TIAM1: variants seen among roughly 807,000 people sequenced by gnomAD.
TIAM1 encodes rho guanine nucleotide exchange factor TIAM1.
In TIAM1, 65 loss-of-function variants were observed where a neutral mutation model predicts 163.5. The observed-to-expected ratio is 0.40, with a 90% CI of 0.33 to 0.49. The LOEUF (loss-of-function observed/expected upper bound fraction) is 0.49, where lower values mean the gene tolerates loss of function less well. TIAM1 is among the 20% of genes least tolerant of loss of function. TIAM1 has a pLI of 0.77. For missense variants in TIAM1, 1,789 were observed against 2,044.7 expected (o/e 0.87, Z 2.41); for synonymous variants, 833 against 810.1 (o/e 1.03, Z -0.48).
intron 1 of TIAM1, among the ~76,000 whole-genome samples, chr21:31,481,035 A>T (rs909231128): frequency 6.6e-6 from 1 of 152,198 alleles, no homozygotes; most frequent in Admixed American, 6.5e-5. Flanking sequence ...GATTACAGGC[A>T]TGAACCACTG....
At chr21:31,491,317 G>T (rs2046462179) in intron 1 of TIAM1, among the ~76,000 whole-genome samples, 1 of 152,172 alleles carries the variant, frequency 6.6e-6, no homozygotes, top group Admixed American at 6.6e-5. Context: ...ATTGTTTAAG[G>T]TATGTTTGGT....
chr21:31,252,080 G>A lies in TIAM1; in HGVS notation c.1073C>T (p.Ser358Leu). The change falls in exon 5 of 28, where the codon TCA becomes TTA. Residue 358 changes from serine to leucine, a missense_variant. Coordinates refer to ENST00000541036, the MANE Select transcript of TIAM1 (RefSeq NM_001353694.2). ...CACAAAGGCCCGGCCTGTGGTGGGT[G>A]AGTAGCTGGAGTTGGTGGCATTAGA... Reference protein sequence around the residue: ...RRSNATNSSYSPTTGRAFVGS... With the variant: ...RRSNATNSSYLPTTGRAFVGS... 6.2e-7 allele frequency: 1 copy of A among 1,614,004 alleles called. No individual in the cohort carries two copies. The highest frequency in any genetic ancestry group is 8.5e-7 in the Non-Finnish European group (1 of 1,180,044).
At chr21:31,536,393 TGCTTGTGAACTGCAAGCAA>T (rs2048135493) in intron 1 of TIAM1, among the ~76,000 whole-genome samples, 1 of 152,208 alleles carries the variant, frequency 6.6e-6, no homozygotes, top group Non-Finnish European at 1.5e-5. Flanking sequence ...GCGCATGCTG[TGCTTGTGAACTGCAAGCAA>T]ATGGTGCAAT....
chr21:31,412,452 C>T (rs1602218721), intron 2 of TIAM1, among the ~76,000 whole-genome samples: 1 of 151,988 alleles, frequency 6.6e-6, no homozygotes, highest in East Asian at 1.9e-4. Flanking sequence ...CGGGATGAAA[C>T]TGCTCCACCT....
chr21:31,478,066 T>A (rs1363875758), intron 1 of TIAM1, among the ~76,000 whole-genome samples: 3 of 152,074 alleles, frequency 2.0e-5, no homozygotes. Flanking sequence ...TGGGAAAAAA[T>A]TATGAGGTGA....
intron 1 of TIAM1, among the ~76,000 whole-genome samples, chr21:31,472,161 A>G (rs1234978453): frequency 1.3e-5 from 2 of 152,294 alleles, no homozygotes; most frequent in African/African-American, 2.4e-5. Context: ...TTCCTCATCC[A>G]TAAATCAGGA....
Position 31,174,703 on chromosome 21 carries a change from A to C in TIAM1, c.2887+7718T>G, listed in dbSNP as rs893898871. On this transcript the variant is annotated intron_variant, in intron 15 of 27. Transcript: ENST00000541036. ...GCTCTTGTTGTCCAGGCTAGAGCGC[A>C]GTGGTGCGATCCCGGCTCACTGCAA... 6.6e-5 allele frequency among the ~76,000 whole-genome samples: 10 copies of C among 152,274 alleles called. No homozygotes were observed. In the East Asian group the frequency reaches 1.9e-3, roughly 29 times the overall value.
intron 11 of TIAM1, among the ~76,000 whole-genome samples, chr21:31,207,493 T>G (rs143800974): frequency 1.6e-3 from 245 of 152,170 alleles, no homozygotes; most frequent in African/African-American, 5.4e-3. Flanking sequence ...TTGTTTTCAA[T>G]GAGGAAAAAA....
intron 14 of TIAM1, among the ~76,000 whole-genome samples, chr21:31,183,284 A>T (rs1057237989): frequency 1.3e-5 from 2 of 152,162 alleles, no homozygotes; most frequent in African/African-American, 4.8e-5. Flanking sequence ...TGCTAGGGGA[A>T]TTGCCAAAAT....
chr21:31,283,456 A>G (rs935084452), intron 2 of TIAM1, among the ~76,000 whole-genome samples: 1 of 152,208 alleles, frequency 6.6e-6, no homozygotes, highest in African/African-American at 2.4e-5. Context: ...CTCAGGACAC[A>G]CCATGAGAAT....
intron 8 of TIAM1, among the ~76,000 whole-genome samples, chr21:31,220,045 GA>G (rs1043887527): frequency 6.6e-6 from 1 of 152,126 alleles, no homozygotes; most frequent in East Asian, 1.9e-4. Context: ...AATTCTAGAG[GA>G]AAAAAATGTC....
intron 1 of TIAM1, among the ~76,000 whole-genome samples, chr21:31,495,761 G>A (rs1470858135): frequency 6.6e-6 from 1 of 152,158 alleles, no homozygotes; most frequent in Non-Finnish European, 1.5e-5. Context: ...GATCACCTGA[G>A]GTCAGGAGTT....
At chr21:31,558,650 C>A (rs541915001) in intron 1 of TIAM1, among the ~76,000 whole-genome samples, 1 of 152,146 alleles carries the variant, frequency 6.6e-6, no homozygotes, top group Non-Finnish European at 1.5e-5. Flanking sequence ...CCAGCGAAGG[C>A]ACCTGGGCTG....
chr21:31,323,411 G>C (rs973654736), intron 2 of TIAM1, among the ~76,000 whole-genome samples: 3 of 151,480 alleles, frequency 2.0e-5, no homozygotes, highest in Non-Finnish European at 4.4e-5. Flanking sequence ...AAACTATTTA[G>C]AGACATCAGT....
chr21:31,363,023 G>T (rs1352053096), intron 2 of TIAM1, among the ~76,000 whole-genome samples: 3 of 152,058 alleles, frequency 2.0e-5, no homozygotes, highest in Admixed American at 6.5e-5. Context: ...TTAACCACAA[G>T]ATGGGCACAG....
chr21:31,343,351 T>A lies in TIAM1; in HGVS notation c.-369+787A>T, dbSNP rs919044666. On this transcript the variant is annotated intron_variant, in intron 1 of 27. Transcript: ENST00000541036. ...TGTGAGAAGCCTCATTTGAGCTAAG[T>A]TTATCCTTTGCTGGGACATACTGCC... 2.6e-5 allele frequency among the ~76,000 whole-genome samples: 4 copies of A among 152,200 alleles called. No individual in the cohort carries two copies. In the East Asian group the frequency reaches 7.7e-4, roughly 29 times the overall value.
intron 19 of TIAM1, among the ~76,000 whole-genome samples, chr21:31,148,802 T>C (rs2083248981): frequency 6.6e-6 from 1 of 152,342 alleles, no homozygotes; most frequent in South Asian, 2.1e-4. Context: ...TCTGTAGGAC[T>C]TCAGAACGCT....
chr21:31,231,741 C>A (rs547484862), intron 6 of TIAM1, among the ~76,000 whole-genome samples: 1 of 152,006 alleles, frequency 6.6e-6, no homozygotes, highest in Admixed American at 6.6e-5. Context: ...ATGGGCCAGG[C>A]GGAATGGTTC....
Position 31,152,669 on chromosome 21 carries a change from A to C in TIAM1, c.3333T>G (p.Asp1111Glu). The change falls in exon 19 of 28, where the codon GAT becomes GAG. Residue 1111 changes from aspartate (D) to glutamate (E), a missense_variant. Asp to Glu is a conservative substitution (Grantham distance 45, BLOSUM62 2). Coordinates refer to ENST00000541036, the MANE Select transcript of TIAM1 (RefSeq NM_001353694.2). ...GATCAACCTTCTCAAGCTTTTCCAA[A>C]TCAGGTACCAGTCTCACTCCATCTT... is the stretch of plus-strand genomic sequence containing the variant. The part of the protein sequence containing the change: ...TLEDGVRLVP[D>E]LEKLEKVDQF... 1 of 1,614,162 alleles carries C rather than the reference A, an allele frequency of 6.2e-7. No individual in the cohort carries two copies. The highest frequency in any genetic ancestry group is 8.5e-7 in the Non-Finnish European group (1 of 1,180,020).
Sources: allele counts gnomAD v4.1 joint callset (sites outside exome capture counted in the v4.1 genomes callset), GRCh38; gene constraint gnomAD v4.1.1; transcripts MANE v1.5; gene names NCBI Gene and HGNC (gene_info 2026-07-23, HGNC 2026-07-21).